The following DCAF7 variants were observed in gnomAD, a reference collection of about 807,000 sequenced individuals.
DCAF7 encodes the protein DDB1 and CUL4 associated factor 7.
A neutral mutation model predicts 41.2 loss-of-function variants in DCAF7; 4 were observed. The observed-to-expected ratio is 0.10, with a 90% CI of 0.05 to 0.22. The LOEUF is 0.22. Ranked by LOEUF, DCAF7 falls within the 10% of genes least tolerant of loss-of-function variation. DCAF7 has a pLI of 1.00. For synonymous variants in DCAF7, 143 were observed against 164.2 expected, an observed-to-expected ratio of 0.87 and a Z score of 0.99; for missense variants, 131 against 443.2, an observed-to-expected ratio of 0.30 and a Z score of 6.32.
At chr17:63,559,439 G>GTGTATA (rs1555680864) in intron 1 of DCAF7, among the ~76,000 whole-genome samples, 1 of 122,178 alleles carries the variant, frequency 8.2e-6, no homozygotes, top group Non-Finnish European at 1.6e-5. Flanking sequence ...ATATGTGTGT[G>GTGTATA]TATATATATA....
At chr17:63,586,294 A>C (rs565356819) in intron 6 of DCAF7, among the ~76,000 whole-genome samples, 2 of 152,036 alleles carry the variant, frequency 1.3e-5, no homozygotes, top group African/African-American at 4.8e-5. Flanking sequence ...CTCTACAGAA[A>C]GTTAAAAAAA....
At chr17:63,572,802 GC>G (rs1286731699) in intron 1 of DCAF7, among the ~76,000 whole-genome samples, 1 of 152,038 alleles carries the variant, frequency 6.6e-6, no homozygotes, top group Non-Finnish European at 1.5e-5. Flanking sequence ...TCGCTCTGTT[GC>G]CCAGGCTGCA....
At chr17:63,586,329 T>A (rs1395866672) in intron 6 of DCAF7, among the ~76,000 whole-genome samples, 3 of 151,454 alleles carry the variant, frequency 2.0e-5, no homozygotes, top group Non-Finnish European at 1.5e-5. Flanking sequence ...GGTGGTGAAT[T>A]CCTGTAGTCC....
chr17:63,578,493 G>A lies in DCAF7; in HGVS notation c.162G>A (p.Glu54=), dbSNP rs1051311824. 3 of 1,614,016 alleles carry A rather than the reference G, an allele frequency of 1.9e-6. No homozygotes were observed. Among genetic ancestry groups the A allele is most frequent in the Admixed American group, 1.7e-5 (1 of 60,018 alleles). The change falls in exon 2 of 7, where the codon GAG becomes GAA. Residue 54 remains glutamate, a synonymous_variant. Transcript: ENST00000614556. ...NNKVQLVGLD[E]ESSEFICRNT... ...AGGTTCAGCTTGTTGGTTTAGATGAGGAGAGTTCAGAGTTTATTTGCAGAA... is the reference window on the plus strand; with the variant it reads ...AGGTTCAGCTTGTTGGTTTAGATGAAGAGAGTTCAGAGTTTATTTGCAGAA...
intron 5 of DCAF7, 138 bp downstream of exon 5, chr17:63,583,849 AC>A: frequency 5.8e-6 from 5 of 867,996 alleles, no homozygotes; most frequent in Non-Finnish European, 9.2e-6. Flanking sequence ...TTTGATTGTC[AC>A]AGCTCTAGAG....
Position 63,566,370 on chromosome 17 carries a change from C to CA in DCAF7, c.139-12087dup, listed in dbSNP as rs144975724. On this transcript the variant is annotated intron_variant, in intron 1 of 6. Transcript: ENST00000614556. ...TGGGCAAAAGAGCGAGACTCTGTCTCAAAAAAAAAAAAACAACAGTTACAC... is the reference window on the plus strand; with the variant it reads ...TGGGCAAAAGAGCGAGACTCTGTCTCAAAAAAAAAAAAAACAACAGTTACAC... 5.7e-4 allele frequency among the ~76,000 whole-genome samples: 81 copies of CA among 142,190 alleles called. 2 individuals carry two copies. Among genetic ancestry groups the CA allele is most frequent in the Middle Eastern group, 3.6e-3 (1 of 280 alleles). 93.3% of individuals were successfully genotyped at this position (142,190 alleles called of 152,430 possible).
chr17:63,585,300 A>G lies in DCAF7; in HGVS notation c.828A>G (p.Pro276=), dbSNP rs540674406. ...GTGTCAATGGCATTGCTTGGGCCCC[A>G]CATTCATCCTGCCACATCTGCACTG... ...RACVNGIAWA[P]HSSCHICTAA... Residue 276 remains proline (P), a synonymous_variant, in exon 6 of 7, where the codon CCA becomes CCG. Transcript: ENST00000614556. The G allele has an allele frequency of 3.1e-6, 5 of 1,614,006 alleles. No homozygotes were observed. In the South Asian group the frequency reaches 4.4e-5, roughly 14 times the overall value.
chr17:63,555,852 T>C (rs945362592), intron 1 of DCAF7, among the ~76,000 whole-genome samples: 4 of 152,258 alleles, frequency 2.6e-5, no homozygotes, highest in African/African-American at 9.6e-5. Flanking sequence ...TTATTGGAGA[T>C]GCTGTCACTT....
rs376208526 is a variant in DCAF7 at position 63,588,878 on chromosome 17, G to T, written c.857-122G>T. ...CGATTTCCTCATCGATAAAATGGGG[G>T]CTTAAAATAGAACCGCCATCACGGG... On this transcript the variant is annotated intron_variant, in intron 6 of 6. Transcript: ENST00000614556. The T allele has an allele frequency of 4.8e-5, 51 of 1,053,574 alleles. No homozygotes were observed. In the East Asian group the frequency reaches 1.1e-3, roughly 23 times the overall value. 65.3% of individuals were successfully genotyped at this position (1,053,574 alleles called of 1,614,324 possible).
At chr17:63,555,490 G>A (rs749189407) in intron 1 of DCAF7, among the ~76,000 whole-genome samples, 4 of 152,064 alleles carry the variant, frequency 2.6e-5, no homozygotes, top group East Asian at 1.9e-4. Context: ...TTTCGACTCC[G>A]GTATTTAATT....
chr17:63,557,504 C>CA (rs574485259), intron 1 of DCAF7, among the ~76,000 whole-genome samples: 1,733 of 134,776 alleles, frequency 0.013, 13 homozygotes, highest in African/African-American at 0.025. Flanking sequence ...GTGAGACTGT[C>CA]AAAAAAAAAA....
At chr17:63,576,561 T>C (rs1441789596) in intron 1 of DCAF7, among the ~76,000 whole-genome samples, 1 of 152,162 alleles carries the variant, frequency 6.6e-6, no homozygotes, top group Non-Finnish European at 1.5e-5. Context: ...AGAAAACTTT[T>C]AGAAGAAAAC....
intron 1 of DCAF7, among the ~76,000 whole-genome samples, chr17:63,560,289 T>TC (rs1323437296): frequency 6.6e-6 from 1 of 152,196 alleles, no homozygotes; most frequent in Non-Finnish European, 1.5e-5. Flanking sequence ...ACCTGGTAGT[T>TC]CCGCTAGTGG....
At chr17:63,564,864 G>T (rs1043409506) in intron 1 of DCAF7, among the ~76,000 whole-genome samples, 1 of 152,242 alleles carries the variant, frequency 6.6e-6, no homozygotes, top group Non-Finnish European at 1.5e-5. Flanking sequence ...CTCCATGGGG[G>T]ACTGGGGCAA....
At chr17:63,583,762 T>C in intron 5 of DCAF7, 51 bp downstream of exon 5, 1 of 1,560,920 alleles carries the variant, frequency 6.4e-7, no homozygotes, top group Admixed American at 1.7e-5. Flanking sequence ...CCAGCACTGC[T>C]TAGTATATCT....
chr17:63,575,279 G>A (rs1271688650), intron 1 of DCAF7, among the ~76,000 whole-genome samples: 4 of 152,152 alleles, frequency 2.6e-5, no homozygotes, highest in Non-Finnish European at 5.9e-5. Flanking sequence ...TTCAGTAAGC[G>A]GAGATCATGC....
At position 63,592,996 on chromosome 17, in the gene DCAF7, C is replaced by G. The variant is rs1050381823; in HGVS notation, c.*3824C>G. ...ATTCCTGGGCTGTGAAGACATGTAGCAGCTGCAGGGTTTACCACACGTGGG... is the reference window on the plus strand; with the variant it reads ...ATTCCTGGGCTGTGAAGACATGTAGGAGCTGCAGGGTTTACCACACGTGGG... On this transcript the variant is annotated 3_prime_UTR_variant, in exon 7 of 7. Coordinates refer to ENST00000614556, the MANE Select transcript of DCAF7 (RefSeq NM_005828.5). 6.6e-6 allele frequency: 1 copy of G among 152,386 alleles called. No individual in the cohort carries two copies. The highest frequency in any genetic ancestry group is 1.5e-5 in the Non-Finnish European group (1 of 68,168). 9.4% of individuals were successfully genotyped at this position (152,386 alleles called of 1,614,324 possible). A position where few individuals can be genotyped will look rare whatever the true frequency, so the allele number is the denominator to read the frequency against.
chr17:63,556,005 A>G (rs1227112772), intron 1 of DCAF7, among the ~76,000 whole-genome samples: 1 of 152,204 alleles, frequency 6.6e-6, no homozygotes, highest in Non-Finnish European at 1.5e-5. Flanking sequence ...TTAAAGTTTA[A>G]TAGGGCAGGA....
chr17:63,583,392 C>A, intron 4 of DCAF7, 110 bp from the exon 5 acceptor site: 2 of 967,596 alleles, frequency 2.1e-6, no homozygotes, highest in Non-Finnish European at 3.2e-6. Context: ...CATTTATCTG[C>A]TTTTGTGTCA....
Sources: allele counts gnomAD v4.1 joint callset (sites outside exome capture counted in the v4.1 genomes callset), GRCh38; gene constraint gnomAD v4.1.1; transcripts MANE v1.5; gene names NCBI Gene and HGNC (gene_info 2026-07-23, HGNC 2026-07-21).